The following HS6ST3 variants were observed in gnomAD, a reference collection of about 807,000 sequenced individuals.
The protein encoded by HS6ST3 is heparan sulfate 6-O-sulfotransferase 3, also known as heparan-sulfate 6-O-sulfotransferase 3.
HS6ST3 carries 12 observed loss-of-function variants against 36.7 expected under a neutral mutation model. That is an observed-to-expected ratio of 0.33 (90% CI 0.21 to 0.53). The LOEUF is 0.53. Ranked by LOEUF, HS6ST3 falls within the 20% of genes least tolerant of loss-of-function variation. The pLI is 0.95. For missense variants in HS6ST3, 584 were observed against 640.9 expected, an observed-to-expected ratio of 0.91 and a Z score of 0.96; for synonymous variants, 240 against 257.5, an observed-to-expected ratio of 0.93 and a Z score of 0.65.
rs61314597 is a variant in HS6ST3 at position 96,304,711 on chromosome 13, C to CTT, written c.707+213161_707+213162dup. Among the ~76,000 whole-genome samples the CTT allele has an allele frequency of 1.4e-3, 127 of 89,322 alleles. 1 individual carries two copies. The highest frequency in any genetic ancestry group is 5.7e-3 in the Middle Eastern group (1 of 176). 58.6% of individuals were successfully genotyped at this position (89,322 alleles called of 152,430 possible). A position where few individuals can be genotyped will look rare whatever the true frequency, so the allele number is the denominator to read the frequency against. ...TCTTTCTTTCTTTCTTTCTTTCTTT[C>CTT]TTTTTTTTTTTTTTTTTTTTACAGA... On this transcript the variant is annotated intron_variant, in intron 1 of 1. Transcript: ENST00000376705.
intron 1 of HS6ST3, among the ~76,000 whole-genome samples, chr13:96,540,773 A>G (rs572893629): frequency 4.5e-4 from 68 of 152,276 alleles, no homozygotes; most frequent in Non-Finnish European, 3.4e-4. Flanking sequence ...AATTAGCCCT[A>G]GGCATTCCTA....
chr13:96,372,575 A>G (rs1421697182), intron 1 of HS6ST3, among the ~76,000 whole-genome samples: 1 of 152,070 alleles, frequency 6.6e-6, no homozygotes, highest in Non-Finnish European at 1.5e-5. Flanking sequence ...ATGTCATGGA[A>G]CTTTTCTTAT....
chr13:96,721,037 G>A (rs1012545709), intron 1 of HS6ST3, among the ~76,000 whole-genome samples: 2 of 152,094 alleles, frequency 1.3e-5, no homozygotes, highest in African/African-American at 2.4e-5. Flanking sequence ...AGCAGATAGC[G>A]GGGACCTAGA....
At chr13:96,785,700 G>A (rs960668089) in intron 1 of HS6ST3, among the ~76,000 whole-genome samples, 3 of 152,082 alleles carry the variant, frequency 2.0e-5, no homozygotes, top group Admixed American at 6.5e-5. Flanking sequence ...ATGCAAACAG[G>A]AAAGCAACAA....
chr13:96,758,348 A>G (rs1876884427), intron 1 of HS6ST3, among the ~76,000 whole-genome samples: 1 of 151,854 alleles, frequency 6.6e-6, no homozygotes. Flanking sequence ...TGATTTTTTA[A>G]CAAACGTATT....
chr13:96,679,367 C>G (rs912147019), intron 1 of HS6ST3, among the ~76,000 whole-genome samples: 5 of 151,866 alleles, frequency 3.3e-5, no homozygotes, highest in African/African-American at 1.2e-4. Context: ...TTGTTTAAAG[C>G]CCACTGCCAC....
intron 1 of HS6ST3, among the ~76,000 whole-genome samples, chr13:96,479,359 A>C (rs530494615): frequency 6.6e-6 from 1 of 152,200 alleles, no homozygotes; most frequent in Admixed American, 6.5e-5. Context: ...GGAGATGCAC[A>C]TGGAGAGGGG....
At chr13:96,688,802 C>G (rs1005387244) in intron 1 of HS6ST3, among the ~76,000 whole-genome samples, 6 of 152,060 alleles carry the variant, frequency 3.9e-5, no homozygotes, top group Non-Finnish European at 5.9e-5. Context: ...TTCATCCACC[C>G]AGTGTGGTTA....
intron 1 of HS6ST3, among the ~76,000 whole-genome samples, chr13:96,780,899 A>ATTTG (rs1446450813): frequency 6.6e-6 from 1 of 151,864 alleles, no homozygotes; most frequent in East Asian, 1.9e-4. Context: ...CCAATCAAAC[A>ATTTG]GCAGCAGCAG....
At chr13:96,326,328 T>A (rs1326845451) in intron 1 of HS6ST3, among the ~76,000 whole-genome samples, 2 of 53,684 alleles carry the variant, frequency 3.7e-5, no homozygotes, top group Non-Finnish European at 3.4e-5. Context: ...CCCTCCCCCC[T>A]CCCCCCACCC....
intron 1 of HS6ST3, among the ~76,000 whole-genome samples, chr13:96,175,104 C>T (rs972271301): frequency 3.9e-5 from 6 of 152,076 alleles, no homozygotes; most frequent in Admixed American, 2.0e-4. Context: ...TTAGTCTTAC[C>T]GTTTCTTGGA....
At chr13:96,265,669 C>T (rs909426382) in intron 1 of HS6ST3, among the ~76,000 whole-genome samples, 1 of 152,186 alleles carries the variant, frequency 6.6e-6, no homozygotes, top group South Asian at 2.1e-4. Flanking sequence ...CGTGGTGATG[C>T]GGGGAGGGGT....
intron 1 of HS6ST3, among the ~76,000 whole-genome samples, chr13:96,448,175 A>AT (rs1057154778): frequency 1.3e-5 from 2 of 151,990 alleles, no homozygotes; most frequent in Non-Finnish European, 2.9e-5. Context: ...TATGCAACTT[A>AT]TTTTTTCTCT....
intron 1 of HS6ST3, among the ~76,000 whole-genome samples, chr13:96,616,859 C>T (rs2138992107): frequency 6.6e-6 from 1 of 152,272 alleles, no homozygotes; most frequent in Non-Finnish European, 1.5e-5. Context: ...CAGTAAATTT[C>T]TGTTGAATAA....
chr13:96,564,865 A>C (rs575022981), intron 1 of HS6ST3, among the ~76,000 whole-genome samples: 4 of 152,192 alleles, frequency 2.6e-5, no homozygotes, highest in African/African-American at 9.6e-5. Flanking sequence ...TCCATGAGAG[A>C]CTATCTATTT....
intron 1 of HS6ST3, among the ~76,000 whole-genome samples, chr13:96,460,346 C>T (rs1468212210): frequency 6.6e-6 from 1 of 152,144 alleles, no homozygotes; most frequent in Non-Finnish European, 1.5e-5. Context: ...AATTCTTCTA[C>T]TTATTTAAGT....
chr13:96,714,955 T>C (rs1034237293), intron 1 of HS6ST3, among the ~76,000 whole-genome samples: 24 of 152,044 alleles, frequency 1.6e-4, no homozygotes, highest in African/African-American at 5.1e-4. Context: ...AATCTTCCCA[T>C]TGTGGCCTCG....
At chr13:96,318,167 G>A (rs1211827633) in intron 1 of HS6ST3, among the ~76,000 whole-genome samples, 1 of 152,126 alleles carries the variant, frequency 6.6e-6, no homozygotes. Flanking sequence ...TTCTTCTAGA[G>A]TTTTTATAGT....
chr13:96,583,463 C>T (rs1007290776), intron 1 of HS6ST3, among the ~76,000 whole-genome samples: 1 of 151,818 alleles, frequency 6.6e-6, no homozygotes, highest in African/African-American at 2.4e-5. Context: ...CCGCCCACCT[C>T]GACCTCCCAA....
Sources: gnomAD v4.1 joint callset for allele counts (sites outside exome capture counted in the v4.1 genomes callset) on GRCh38, gnomAD v4.1.1 for gene constraint, MANE v1.5 for transcripts, NCBI Gene and HGNC (gene_info 2026-07-23, HGNC 2026-07-21) for gene names.